COMMD10: variants seen among roughly 807,000 people sequenced by gnomAD.
The protein encoded by COMMD10 is COMM domain containing 10.
In COMMD10, 33 loss-of-function variants were observed where a neutral mutation model predicts 28.9. The observed-to-expected ratio is 1.14, with a 90% CI of 0.87 to 1.53. COMMD10 has a LOEUF of 1.53. Ranked by LOEUF, COMMD10 falls within the 40% of genes most tolerant of loss-of-function variation. COMMD10 has a pLI of 0.00. For missense variants in COMMD10, 310 were observed against 233.4 expected, an observed-to-expected ratio of 1.33 and a Z score of -2.14; for synonymous variants, 110 against 81.7, an observed-to-expected ratio of 1.35 and a Z score of -1.87.
chr5:116,126,454 C>T (rs1751642386), intron 4 of COMMD10, among the ~76,000 whole-genome samples: 2 of 152,054 alleles, frequency 1.3e-5, no homozygotes, highest in African/African-American at 4.8e-5. Flanking sequence ...CAAAAAAGAG[C>T]CCTCATTGCC....
intron 5 of COMMD10, among the ~76,000 whole-genome samples, chr5:116,220,970 T>C (rs1277670317): frequency 6.6e-6 from 1 of 152,178 alleles, no homozygotes; most frequent in Non-Finnish European, 1.5e-5. Context: ...CATAGTTGTT[T>C]GGTGCCTATT....
chr5:116,158,811 T>G (rs191729046), intron 5 of COMMD10, among the ~76,000 whole-genome samples: 1 of 152,006 alleles, frequency 6.6e-6, no homozygotes, highest in African/African-American at 2.4e-5. Flanking sequence ...CTTTAAGAAT[T>G]AATGTACATT....
intron 3 of COMMD10, among the ~76,000 whole-genome samples, 177 bp downstream of exon 3, chr5:116,091,366 T>C (rs1309077378): frequency 6.6e-6 from 1 of 152,218 alleles, no homozygotes; most frequent in Admixed American, 6.5e-5. Context: ...AGTATTTAAA[T>C]ATGAATTGAG....
intron 5 of COMMD10, among the ~76,000 whole-genome samples, chr5:116,223,206 G>A (rs142642226): frequency 2.0e-5 from 3 of 148,908 alleles, no homozygotes; most frequent in African/African-American, 7.4e-5. Context: ...ATTTTTTTTT[G>A]AAAAAAAGGA....
intron 4 of COMMD10, among the ~76,000 whole-genome samples, chr5:116,113,160 G>A (rs1308219621): frequency 1.3e-5 from 2 of 152,056 alleles, no homozygotes; most frequent in Non-Finnish European, 2.9e-5. Context: ...TTCCTGCCTT[G>A]TAAGGTTTCT....
chr5:116,202,353 C>A (rs1265137303), intron 5 of COMMD10, among the ~76,000 whole-genome samples: 1 of 151,782 alleles, frequency 6.6e-6, no homozygotes, highest in Non-Finnish European at 1.5e-5. Context: ...CATACGTGTG[C>A]ATGTGTCTTT....
chr5:116,185,491 T>G (rs1366246008), intron 5 of COMMD10, among the ~76,000 whole-genome samples: 1 of 152,170 alleles, frequency 6.6e-6, no homozygotes, highest in Non-Finnish European at 1.5e-5. Context: ...TGGCTTTCCT[T>G]TTTCTCCGAT....
chr5:116,202,533 C>G (rs1394339241), intron 5 of COMMD10, among the ~76,000 whole-genome samples: 31 of 150,370 alleles, frequency 2.1e-4, no homozygotes, highest in South Asian at 1.5e-3. Flanking sequence ...TTCTCCACAT[C>G]CTCTCCAGCA....
chr5:116,179,429 T>C (rs1747868300), intron 5 of COMMD10, among the ~76,000 whole-genome samples: 1 of 152,110 alleles, frequency 6.6e-6, no homozygotes, highest in African/African-American at 2.4e-5. Flanking sequence ...TTTGGCCTGG[T>C]ACTCTTTCCA....
intron 4 of COMMD10, among the ~76,000 whole-genome samples, chr5:116,130,836 C>T (rs776916579): frequency 1.8e-4 from 28 of 151,884 alleles, no homozygotes; most frequent in South Asian, 4.1e-4. Context: ...TGTCAGATGG[C>T]TTTCTAATAA....
chr5:116,220,686 T>G (rs1749226695), intron 5 of COMMD10, among the ~76,000 whole-genome samples: 1 of 152,232 alleles, frequency 6.6e-6, no homozygotes, highest in Non-Finnish European at 1.5e-5. Flanking sequence ...TTTGTAAATC[T>G]AAATCATCAA....
intron 5 of COMMD10, among the ~76,000 whole-genome samples, chr5:116,263,592 G>C (rs1209746518): frequency 6.6e-6 from 1 of 151,612 alleles, no homozygotes; most frequent in African/African-American, 2.4e-5. Context: ...CTCTCTCTCT[G>C]AAGTCTGCTC....
rs193209349 is a variant in COMMD10 at position 116,282,895 on chromosome 5, A to G, written c.511-8622A>G. 1.7e-3 allele frequency among the ~76,000 whole-genome samples: 263 copies of G among 152,092 alleles called. 5 individuals are homozygous for G. The highest frequency in any genetic ancestry group is 6.0e-3 in the African/African-American group (246 of 41,328). ...TTCAACTTAAAAATTTTGAGAACACAGAATTCAGACCATAACAGAGCCTAA... is the reference window on the plus strand; with the variant it reads ...TTCAACTTAAAAATTTTGAGAACACGGAATTCAGACCATAACAGAGCCTAA... On this transcript the variant is annotated intron_variant, in intron 5 of 6. Coordinates refer to ENST00000274458, the MANE Select transcript of COMMD10 (RefSeq NM_016144.4).
intron 5 of COMMD10, among the ~76,000 whole-genome samples, chr5:116,283,243 T>C (rs1216048687): frequency 6.6e-6 from 1 of 151,916 alleles, no homozygotes; most frequent in African/African-American, 2.4e-5. Context: ...ACAAAAACTC[T>C]ACCTTATTTA....
At chr5:116,202,018 C>T (rs1748680262) in intron 5 of COMMD10, among the ~76,000 whole-genome samples, 1 of 151,024 alleles carries the variant, frequency 6.6e-6, no homozygotes, top group African/African-American at 2.4e-5. Flanking sequence ...GGTATATCTC[C>T]TAATGCTATC....
At chr5:116,123,927 A>AT (rs143533105) in intron 4 of COMMD10, among the ~76,000 whole-genome samples, 102,552 of 150,378 alleles carry the variant, frequency 0.68, 37,835 homozygotes, top group South Asian at 0.85. Context: ...CCCCTTTATC[A>AT]TTTTTTTTTA....
chr5:116,223,763 CG>C lies in COMMD10; in HGVS notation c.511-67753del, dbSNP rs1314694164. ...AGATACCCTGAAAGAAGTTCATGAT[CG>C]TAGGAGTGGAGGCAGTGAGAAGAGG... On this transcript the variant is annotated intron_variant, in intron 5 of 6. Coordinates refer to ENST00000274458, the MANE Select transcript of COMMD10 (RefSeq NM_016144.4). Among the ~76,000 whole-genome samples, 4 of 152,040 alleles carry C rather than the reference CG, an allele frequency of 2.6e-5. No homozygotes were observed. In the East Asian group the frequency reaches 5.8e-4, roughly 22 times the overall value.
At position 116,292,741 on chromosome 5, in the gene COMMD10, G is replaced by A. The variant is rs1751403714; in HGVS notation, c.*252G>A. 2.4e-6 allele frequency: 1 copy of A among 415,324 alleles called. No homozygotes were observed. Among genetic ancestry groups the A allele is most frequent in the Non-Finnish European group, 4.2e-6 (1 of 235,502 alleles). The allele number at this position is 415,324 out of a possible 1,614,324, so 25.7% of individuals were successfully genotyped here. Reference sequence around the variant, plus strand: ...CACTTTCCCTTTAAAGGAAACAAAAGTGAATACCATATTGTTTTTACTGTC... The same window carrying A: ...CACTTTCCCTTTAAAGGAAACAAAAATGAATACCATATTGTTTTTACTGTC... On this transcript the variant is annotated 3_prime_UTR_variant, in exon 7 of 7. Transcript: ENST00000274458.
intron 5 of COMMD10, among the ~76,000 whole-genome samples, chr5:116,161,661 G>T (rs1561640285): frequency 6.6e-6 from 1 of 152,092 alleles, no homozygotes; most frequent in Non-Finnish European, 1.5e-5. Flanking sequence ...ATAAGGAAGA[G>T]AAAATATATT....
Sources: allele counts gnomAD v4.1 joint callset (sites outside exome capture counted in the v4.1 genomes callset), GRCh38; gene constraint gnomAD v4.1.1; transcripts MANE v1.5; gene names NCBI Gene and HGNC (gene_info 2026-07-23, HGNC 2026-07-21).